Variants in TUBGCP2 observed in about 807,000 individuals in gnomAD.
TUBGCP2 encodes the protein tubulin gamma complex component 2.
Under a neutral mutation model 92.2 loss-of-function variants are expected in TUBGCP2, and 55 were observed. The ratio of observed to expected loss-of-function variants is 0.60; its 90% CI spans 0.48 to 0.75. The LOEUF is 0.75. Among genes scored for constraint, TUBGCP2 ranks in the 30% least tolerant of loss-of-function variants. The pLI, the probability that TUBGCP2 is intolerant of heterozygous loss-of-function variation, is 0.00. For missense variants in TUBGCP2, 1,093 were observed against 1,188.9 expected (o/e 0.92, Z 1.19); for synonymous variants, 533 against 505.2 (o/e 1.06, Z -0.74).
intron 8 of TUBGCP2, chr10:133,290,177 G>T (rs1564938106): frequency 6.3e-6 from 4 of 636,268 alleles, no homozygotes; most frequent in Non-Finnish European, 1.0e-5. Flanking sequence ...GCTCACGCCT[G>T]TAACCCCAAC....
intron 10 of TUBGCP2, 127 bp from the exon 11 acceptor site, chr10:133,288,436 C>T: frequency 8.3e-7 from 1 of 1,205,514 alleles, no homozygotes; most frequent in Non-Finnish European, 1.1e-6. Flanking sequence ...GAGCACGTGC[C>T]CACCCGCAGG....
chr10:133,311,769 C>G (rs759522897), upstream of TUBGCP2: 1 of 1,613,766 alleles, frequency 6.2e-7, no homozygotes, highest in East Asian at 2.2e-5. Context: ...GAAGGGGAGG[C>G]CATGGAAATC....
At chr10:133,304,965 CG>C (rs1847774325) in intron 1 of TUBGCP2, among the ~76,000 whole-genome samples, 1 of 152,050 alleles carries the variant, frequency 6.6e-6, no homozygotes, top group Admixed American at 6.5e-5. Flanking sequence ...CTTGGTCTAG[CG>C]GTAGTGTCAG....
chr10:133,288,176 G>A lies in TUBGCP2; in HGVS notation c.1675C>T (p.Leu559=). The stretch of plus-strand genomic sequence containing the variant: ...TCAGTGTTGGCCGTGCTCATGCGCA[G>A]CGCCAGCTCCAGGAGCGCTTCCAGG... ...PRLEALLELA[L]RMSTANTDPF... Residue 559 remains leucine, a synonymous_variant, in exon 11 of 18, where the codon CTG becomes TTG. Coordinates refer to ENST00000252936, the MANE Select transcript of TUBGCP2 (RefSeq NM_006659.4). The A allele has an allele frequency of 6.2e-7, 1 of 1,613,900 alleles. No homozygotes were observed.
At chr10:133,293,482 C>T (rs972864766) in intron 6 of TUBGCP2, 80 bp downstream of exon 6, 71 of 1,466,234 alleles carry the variant, frequency 4.8e-5, no homozygotes, top group East Asian at 1.7e-4. Context: ...GCGATGCAGA[C>T]GTCCCCATGG....
chr10:133,295,115 T>TA (rs1408741236), intron 5 of TUBGCP2: 1 of 152,182 alleles, frequency 6.6e-6, no homozygotes, highest in Non-Finnish European at 1.5e-5. Flanking sequence ...GGGTGGGGGT[T>TA]AGTGTGGATC....
At chr10:133,289,999 G>A (rs1329589910) in intron 8 of TUBGCP2, 30 bp from the exon 9 acceptor site, 1 of 1,603,198 alleles carries the variant, frequency 6.2e-7, no homozygotes, top group South Asian at 1.1e-5. Flanking sequence ...TTCGGTCACA[G>A]GCAAAGCAAG....
rs773964923 is a variant in TUBGCP2, at chr10:133,285,319, G to T, written c.1896-106C>A. On this transcript the variant is annotated intron_variant, in intron 12 of 17. Coordinates refer to ENST00000252936, the MANE Select transcript of TUBGCP2 (RefSeq NM_006659.4). The surrounding 1 kb of genome is among the most constrained non-coding windows in gnomAD (Gnocchi z 6.8). ...GCACCGTGGCCCCCGGACAGCCCGT[G>T]AATCTCTCGGACACTGAAGGCCGGG... is the stretch of plus-strand genomic sequence containing the variant. The T allele has an allele frequency of 6.0e-5, 95 of 1,590,478 alleles. No homozygotes were observed. Among genetic ancestry groups the T allele is most frequent in the Non-Finnish European group, 7.8e-5 (91 of 1,171,092 alleles).
rs1847067691 is a variant in TUBGCP2 at position 133,284,129 on chromosome 10, G to C, written c.2025-127C>G. On this transcript the variant is annotated intron_variant, in intron 13 of 17. Transcript: ENST00000252936. Reference sequence around the variant, plus strand: ...TGGACGTGGCTATTTCCTCTGCAGAGCAAGCGCCCCTCCCAGCACACCAGA... The same window carrying C: ...TGGACGTGGCTATTTCCTCTGCAGACCAAGCGCCCCTCCCAGCACACCAGA... The C allele has an allele frequency of 4.0e-5, 57 of 1,430,766 alleles. 1 individual carries two copies. The South Asian group carries it at 7.1e-4, about 18-fold the overall frequency. 88.6% of individuals were successfully genotyped at this position (1,430,766 alleles called of 1,614,324 possible).
Position 133,285,033 on chromosome 10 carries a change from G to A in TUBGCP2, c.2024+52C>T, listed in dbSNP as rs1185833319. 4.2e-5 allele frequency: 65 copies of A among 1,555,368 alleles called. No homozygotes were observed. The highest frequency in any genetic ancestry group is 5.7e-5 in the Non-Finnish European group (65 of 1,147,646). ...GGGGGGCGCTGCACCACTGGGCAGA[G>A]TGCAGCGAGCGCTGCTTCAGGAGGG... On this transcript the variant is annotated intron_variant, in intron 13 of 17. Transcript: ENST00000252936. The surrounding 1 kb of genome is among the most constrained non-coding windows in gnomAD (Gnocchi z 6.8).
At chr10:133,303,825 C>T (rs1331669991) in intron 1 of TUBGCP2, among the ~76,000 whole-genome samples, 2 of 152,260 alleles carry the variant, frequency 1.3e-5, no homozygotes, top group Non-Finnish European at 2.9e-5. Flanking sequence ...TCCACTGCAG[C>T]TCCAGCTGCC....
At chr10:133,309,259 G>A (rs1474074289), upstream of TUBGCP2, 3 of 1,337,262 alleles carry the variant, frequency 2.2e-6, no homozygotes, top group Non-Finnish European at 3.0e-6. Flanking sequence ...GGAACGTGGA[G>A]TGGGCGGGGC....
rs779607105 is a variant in TUBGCP2 at position 133,289,816 on chromosome 10, C to CGCCGCGGACGCCAAGTCCCTGCCCGCTGT, written c.1360+7_1360+8insACAGCGGGCAGGGACTTGGCGTCCGCGGC. On this transcript the variant is annotated splice_region_variant and intron_variant, in intron 9 of 17. Transcript: ENST00000252936. The stretch of plus-strand genomic sequence containing the variant: ...GCGCACCCCAAGTCCCCGCCCGCTG[C>CGCCGCGGACGCCAAGTCCCTGCCCGCTGT]GCCGCACCTGTGCTGAGGATCTTGT... 23 of 1,613,490 alleles carry CGCCGCGGACGCCAAGTCCCTGCCCGCTGT rather than the reference C, an allele frequency of 1.4e-5. No individual in the cohort carries two copies. The highest frequency in any genetic ancestry group is 5.5e-5 in the South Asian group (5 of 90,828).
intron 11 of TUBGCP2, among the ~76,000 whole-genome samples, chr10:133,286,506 C>G (rs755776679): frequency 2.0e-5 from 3 of 152,190 alleles, no homozygotes; most frequent in Non-Finnish European, 2.9e-5. Context: ...GACAGACGAT[C>G]AGTGAGGAAA....
At chr10:133,310,606 C>T (rs1847969525), upstream of TUBGCP2, 4 of 369,664 alleles carry the variant, frequency 1.1e-5, no homozygotes, top group Middle Eastern at 1.6e-3. Flanking sequence ...CCTCCTGCAG[C>T]AGTCGGCCGT....
At chr10:133,306,091 C>T (rs932247784) in intron 1 of TUBGCP2, among the ~76,000 whole-genome samples, 6 of 152,226 alleles carry the variant, frequency 3.9e-5, no homozygotes, top group African/African-American at 1.4e-4. Context: ...AACAAACATG[C>T]GGCACCATTG....
At chr10:133,309,473 T>C (rs764682179), upstream of TUBGCP2, 19 of 1,610,958 alleles carry the variant, frequency 1.2e-5, no homozygotes, top group Non-Finnish European at 1.6e-5. Flanking sequence ...GGTAAGCGAA[T>C]GGGCAGTGCC....
intron 3 of TUBGCP2, among the ~76,000 whole-genome samples, 183 bp from the exon 4 acceptor site, chr10:133,299,786 A>C (rs1203572514): frequency 6.6e-6 from 1 of 152,222 alleles, no homozygotes; most frequent in Non-Finnish European, 1.5e-5. Context: ...AGTGCCCCAG[A>C]GGCTGCTTCT....
chr10:133,296,943 C>T (rs1847502138), intron 5 of TUBGCP2, among the ~76,000 whole-genome samples: 1 of 152,196 alleles, frequency 6.6e-6, no homozygotes, highest in Non-Finnish European at 1.5e-5. Flanking sequence ...TCCAGGGTTT[C>T]CGGCAAAGGC....
Sources: gnomAD v4.1 joint callset for allele counts (sites outside exome capture counted in the v4.1 genomes callset) on GRCh38, gnomAD v4.1.1 for gene constraint, Gnocchi (gnomAD v3.1) non-coding constraint, MANE v1.5 for transcripts, NCBI Gene and HGNC (gene_info 2026-07-23, HGNC 2026-07-21) for gene names.